Variants in NSD2 observed in about 807,000 individuals in gnomAD.
NSD2 encodes nuclear receptor binding SET domain protein 2, also known as histone-lysine N-methyltransferase NSD2.
Under a neutral mutation model 139.0 loss-of-function variants are expected in NSD2, and 12 were observed. That is an observed-to-expected ratio of 0.09 (90% CI 0.06 to 0.14). The LOEUF (loss-of-function observed/expected upper bound fraction) is 0.14, where lower values mean the gene tolerates loss of function less well. NSD2 is among the 10% of genes least tolerant of loss of function. NSD2 has a pLI of 1.00. For synonymous variants in NSD2, 669 were observed against 648.7 expected, an observed-to-expected ratio of 1.03 and a Z score of -0.48; for missense variants, 1,155 against 1,745.0, an observed-to-expected ratio of 0.66 and a Z score of 6.02.
At chr4:1,965,717 C>T (rs548602396) in intron 18 of NSD2, among the ~76,000 whole-genome samples, 1 of 152,050 alleles carries the variant, frequency 6.6e-6, no homozygotes, top group African/African-American at 2.4e-5. Context: ...ACAGGGGAGG[C>T]CTCAAGAAAC....
At chr4:1,920,403 G>T (rs1224026775) in intron 5 of NSD2, among the ~76,000 whole-genome samples, 2 of 151,926 alleles carry the variant, frequency 1.3e-5, no homozygotes, top group East Asian at 3.9e-4. Flanking sequence ...AAATCATGCC[G>T]CTGCACTCCA....
chr4:1,891,440 A>C (rs116228700), intron 1 of NSD2, among the ~76,000 whole-genome samples: 3,043 of 152,206 alleles, frequency 0.02, 33 homozygotes, highest in Non-Finnish European at 0.029. Context: ...CTGCTGTCCT[A>C]GGGTTGAGAC....
At chr4:1,919,959 CT>C (rs1171983671) in intron 5 of NSD2, among the ~76,000 whole-genome samples, 1 of 151,860 alleles carries the variant, frequency 6.6e-6, no homozygotes, top group Non-Finnish European at 1.5e-5. Context: ...AAAAGTCTGT[CT>C]TCAAAAAATT....
At position 1,871,561 on chromosome 4, in the gene NSD2, C is replaced by T. The variant is rs2108870917; in HGVS notation, c.-30+19C>T. 6.6e-6 allele frequency: 1 copy of T among 151,420 alleles called. No homozygotes were observed. The highest frequency in any genetic ancestry group is 1.9e-4 in the South Asian group (1 of 5,208). The allele number at this position is 151,420 out of a possible 1,614,324, so 9.4% of individuals were successfully genotyped here. A position where few individuals can be genotyped will look rare whatever the true frequency, so the allele number is the denominator to read the frequency against. On this transcript the variant is annotated intron_variant, in intron 1 of 21. Transcript: ENST00000508803. ...ACCGCAGGTCACTGGGGCGCCCGCC[C>T]AACAGTCGCGGGCCGCCAACCGCCG...
chr4:1,892,562 A>G (rs990984092), intron 1 of NSD2, among the ~76,000 whole-genome samples: 2 of 150,618 alleles, frequency 1.3e-5, no homozygotes, highest in Non-Finnish European at 2.9e-5. Flanking sequence ...TTAGAAAACC[A>G]CTGATAACTC....
intron 2 of NSD2, among the ~76,000 whole-genome samples, chr4:1,903,476 A>C (rs1440329195): frequency 6.6e-6 from 1 of 152,156 alleles, no homozygotes; most frequent in Non-Finnish European, 1.5e-5. Flanking sequence ...CCTTGCCCTC[A>C]CCACACTGGG....
intron 18 of NSD2, among the ~76,000 whole-genome samples, chr4:1,961,817 G>GAAAA (rs1725402060): frequency 6.6e-6 from 1 of 152,200 alleles, no homozygotes; most frequent in South Asian, 2.1e-4. Flanking sequence ...TCCCTCACAC[G>GAAAA]GCAGGCTTTT....
rs578069246 is a variant in NSD2 at position 1,878,638 on chromosome 4, C to G, written c.-30+7096C>G. On this transcript the variant is annotated intron_variant, in intron 1 of 21. Coordinates refer to ENST00000508803, the MANE Select transcript of NSD2 (RefSeq NM_001042424.3). ...GTGACTATTTGAATACATACACAGC[C>G]CTCAGTACTTCGTATGCCTTAGGGG... Among the ~76,000 whole-genome samples, 41 of 152,170 alleles carry G rather than the reference C, an allele frequency of 2.7e-4. 1 individual carries two copies. Among genetic ancestry groups the G allele is most frequent in the Middle Eastern group, 3.4e-3 (1 of 294 alleles).
intron 1 of NSD2, chr4:1,887,693 T>G (rs1715222443): frequency 1.3e-5 from 2 of 152,208 alleles, no homozygotes; most frequent in African/African-American, 4.8e-5. Context: ...ATAGCAAGGT[T>G]TGGTTTAAAT....
In NSD2 at chr4:1,939,897, G is replaced by A. The variant is rs1722907393; in HGVS notation, c.1881+119G>A. On this transcript the variant is annotated intron_variant, in intron 9 of 21. Transcript: ENST00000508803. ...CGCAGCATTGGTGCTCACTGCCAGT[G>A]CAGATGTTTTAGGGCCTCTTGGCTA... is the stretch of plus-strand genomic sequence containing the variant. The A allele has an allele frequency of 5.7e-6, 9 of 1,565,886 alleles. No homozygotes were observed. The South Asian group carries it at 1.0e-4, about 18-fold the overall frequency.
In NSD2 at chr4:1,942,450, A is replaced by G. The variant is rs1317751765; in HGVS notation, c.1881+2672A>G. On this transcript the variant is annotated intron_variant, in intron 9 of 21. Transcript: ENST00000508803. The surrounding 1 kb of genome is among the most constrained non-coding windows in gnomAD (Gnocchi z 4.0). ...TGCTGCAGGTGGCGTATCATCGTAC[A>G]CACTCAGTGACATTTCTATCACAAT... 6.4e-7 allele frequency: 1 copy of G among 1,566,314 alleles called. No homozygotes were observed. Among genetic ancestry groups the G allele is most frequent in the East Asian group, 2.3e-5 (1 of 43,740 alleles).
At chr4:1,936,098 GA>G (rs1440938726) in intron 7 of NSD2, among the ~76,000 whole-genome samples, 1 of 152,198 alleles carries the variant, frequency 6.6e-6, no homozygotes, top group Non-Finnish European at 1.5e-5. Flanking sequence ...GTGCAGCATA[GA>G]TACAAAGCCA....
In NSD2 at chr4:1,878,478, C is replaced by T. The variant is rs1289560196; in HGVS notation, c.-30+6936C>T. On this transcript the variant is annotated intron_variant, in intron 1 of 21. Coordinates refer to ENST00000508803, the MANE Select transcript of NSD2 (RefSeq NM_001042424.3). ...TCTGCCTTAGATTTTCTCCATAGCA[C>T]ATACCTCCAACATTCCATGTGAATT... is the stretch of plus-strand genomic sequence containing the variant. 2.0e-5 allele frequency among the ~76,000 whole-genome samples: 3 copies of T among 151,836 alleles called. No individual in the cohort carries two copies. In the East Asian group the frequency reaches 5.8e-4, roughly 29 times the overall value.
chr4:1,943,235 A>G, intron 9 of NSD2: 12 of 1,041,688 alleles, frequency 1.2e-5, no homozygotes, highest in Non-Finnish European at 1.4e-5. Context: ...TGCTATTCAC[A>G]GTACCATGCG....
chr4:1,945,977 CTT>C (rs1301137321), intron 9 of NSD2: 11 of 1,049,556 alleles, frequency 1.0e-5, no homozygotes, highest in Non-Finnish European at 1.3e-5. Flanking sequence ...GCCAGGTAGA[CTT>C]TTGTATACAG....
intron 3 of NSD2, among the ~76,000 whole-genome samples, chr4:1,904,625 T>C (rs1717644369): frequency 6.6e-6 from 1 of 152,230 alleles, no homozygotes; most frequent in Non-Finnish European, 1.5e-5. Flanking sequence ...TAACTTCTGT[T>C]TTTATGATAG....
chr4:1,881,714 C>T (rs1577354331), intron 1 of NSD2, among the ~76,000 whole-genome samples: 1 of 152,208 alleles, frequency 6.6e-6, no homozygotes, highest in Non-Finnish European at 1.5e-5. Flanking sequence ...TAATTATTCT[C>T]TCCACATTTA....
Position 1,981,709 on chromosome 4 carries a change from C to A in NSD2, c.*2800C>A. On this transcript the variant is annotated 3_prime_UTR_variant, in exon 22 of 22. Transcript: ENST00000508803. ...CCTTCGCAGTGTTTGTCTGTCTTGA[C>A]ATCTAAACCCCGGCGTGTGCAGTGC... 5.1e-6 allele frequency: 2 copies of A among 395,948 alleles called. No homozygotes were observed. The highest frequency in any genetic ancestry group is 7.1e-5 in the East Asian group (2 of 28,028). 24.5% of individuals were successfully genotyped at this position (395,948 alleles called of 1,614,324 possible).
Position 1,937,841 on chromosome 4 carries a change from C to G in NSD2, c.1675-610C>G, listed in dbSNP as rs569469353. On this transcript the variant is annotated intron_variant, in intron 7 of 21. Coordinates refer to ENST00000508803, the MANE Select transcript of NSD2 (RefSeq NM_001042424.3). ...CAGCCACACCTTTCAGAATCTCAGC[C>G]CTTGAGAAAAGCTTCATGATCCCTT... is the stretch of plus-strand genomic sequence containing the variant. Among the ~76,000 whole-genome samples, 46 of 152,288 alleles carry G rather than the reference C, an allele frequency of 3.0e-4. No homozygotes were observed. The South Asian group carries it at 9.1e-3, about 30-fold the overall frequency.
Sources: gnomAD v4.1 joint callset for allele counts (sites outside exome capture counted in the v4.1 genomes callset) on GRCh38, gnomAD v4.1.1 for gene constraint, Gnocchi (gnomAD v3.1) non-coding constraint, MANE v1.5 for transcripts, NCBI Gene and HGNC (gene_info 2026-07-23, HGNC 2026-07-21) for gene names.